The following ITPR1 variants were observed in gnomAD, a reference collection of about 807,000 sequenced individuals.
ITPR1 encodes the protein inositol 1,4,5-trisphosphate receptor type 1.
In ITPR1, 96 loss-of-function variants were observed where a neutral mutation model predicts 318.4. The observed-to-expected ratio is 0.30, with a 90% confidence interval of 0.26 to 0.36. The LOEUF (loss-of-function observed/expected upper bound fraction) is 0.36, where lower values mean the gene tolerates loss of function less well. Ranked by LOEUF, ITPR1 falls within the 10% of genes least tolerant of loss-of-function variation. The pLI is 1.00. For synonymous variants in ITPR1, 1,312 were observed against 1,289.9 expected (o/e 1.02, Z -0.37); for missense variants, 2,440 against 3,460.2 (o/e 0.71, Z 7.40).
chr3:4,650,619 G>GTA (rs1469710779), intron 10 of ITPR1, among the ~76,000 whole-genome samples: 2 of 140,414 alleles, frequency 1.4e-5, no homozygotes, highest in Non-Finnish European at 3.1e-5. Context: ...GTGTGTGTGT[G>GTA]TGTGTGTGTG....
intron 52 of ITPR1, among the ~76,000 whole-genome samples, chr3:4,792,075 G>C (rs2125411309): frequency 6.6e-6 from 1 of 152,238 alleles, no homozygotes; most frequent in Non-Finnish European, 1.5e-5. Flanking sequence ...GTGGCCCCCG[G>C]CCCCTCCCTC....
chr3:4,676,358 A>G (rs2094185436), intron 23 of ITPR1, among the ~76,000 whole-genome samples: 1 of 152,064 alleles, frequency 6.6e-6, no homozygotes, highest in Non-Finnish European at 1.5e-5. Flanking sequence ...AGAAAATTAA[A>G]AAAAATAAAA....
At chr3:4,641,105 A>G (rs2093327246) in intron 6 of ITPR1, among the ~76,000 whole-genome samples, 1 of 152,212 alleles carries the variant, frequency 6.6e-6, no homozygotes, top group Admixed American at 6.5e-5. Context: ...CGCAATTAGC[A>G]ATGGAGTCTT....
intron 16 of ITPR1, among the ~76,000 whole-genome samples, 178 bp downstream of exon 16, chr3:4,663,384 G>A (rs947454754): frequency 6.6e-6 from 1 of 151,778 alleles, no homozygotes; most frequent in East Asian, 1.9e-4. Flanking sequence ...CTGGGTGACA[G>A]AGAGAGAGCC....
chr3:4,809,358 T>A (rs1441298194), intron 55 of ITPR1, among the ~76,000 whole-genome samples: 1 of 152,244 alleles, frequency 6.6e-6, no homozygotes, highest in African/African-American at 2.4e-5. Flanking sequence ...TGACTGTTTT[T>A]AAAAAACATA....
chr3:4,740,750 G>A (rs2043641446), intron 44 of ITPR1, among the ~76,000 whole-genome samples: 1 of 152,172 alleles, frequency 6.6e-6, no homozygotes. Flanking sequence ...CATCAGAGCA[G>A]GCTTCACATT....
rs925397198 is a variant in ITPR1, at chr3:4,766,700, A to G, written c.5715A>G (p.Ser1905=). 3.8e-6 allele frequency: 6 copies of G among 1,599,532 alleles called. No homozygotes were observed. The highest frequency in any genetic ancestry group is 1.7e-5 in the Admixed American group (1 of 57,724). Residue 1905 remains serine (S), a synonymous_variant, in exon 45 of 62, where the codon TCA becomes TCG. Coordinates refer to ENST00000649015, the MANE Select transcript of ITPR1 (RefSeq NM_001378452.1). ...ATGAGGTAGACAGGGATGCCCCATC[A>G]CGGAAAAAAGGTAAATGTTCCTCAG... The part of the protein sequence containing the change: ...KDDEVDRDAP[S]RKKAKEPTTQ...
intron 4 of ITPR1, among the ~76,000 whole-genome samples, chr3:4,562,003 A>C (rs900884024): frequency 2.0e-5 from 3 of 152,126 alleles, no homozygotes; most frequent in Non-Finnish European, 4.4e-5. Context: ...AGGGGTGTCC[A>C]ATCTTTTGGC....
chr3:4,531,254 G>A (rs966997387), intron 4 of ITPR1, among the ~76,000 whole-genome samples: 1 of 152,178 alleles, frequency 6.6e-6, no homozygotes, highest in African/African-American at 2.4e-5. Context: ...TCAAAGGCAT[G>A]TTGCTTCGTG....
intron 44 of ITPR1, among the ~76,000 whole-genome samples, chr3:4,755,368 C>G (rs1234538632): frequency 6.6e-6 from 1 of 150,746 alleles, no homozygotes; most frequent in Non-Finnish European, 1.5e-5. Context: ...AGCTTTCTGT[C>G]TCAGAAGAAA....
At chr3:4,633,360 G>A (rs746150943) in intron 5 of ITPR1, among the ~76,000 whole-genome samples, 4 of 152,134 alleles carry the variant, frequency 2.6e-5, no homozygotes, top group Admixed American at 6.5e-5. Flanking sequence ...ATTCCCACCA[G>A]CCAATACGAT....
At chr3:4,781,771 C>G (rs1410134243) in intron 49 of ITPR1, among the ~76,000 whole-genome samples, 1 of 152,112 alleles carries the variant, frequency 6.6e-6, no homozygotes, top group Non-Finnish European at 1.5e-5. Flanking sequence ...ACACTGGAGT[C>G]CAGGAGTTCA....
At chr3:4,522,106 A>G (rs2082615821) in intron 4 of ITPR1, among the ~76,000 whole-genome samples, 1 of 152,106 alleles carries the variant, frequency 6.6e-6, no homozygotes, top group Non-Finnish European at 1.5e-5. Flanking sequence ...TCATCTGAGG[A>G]AGTTTTTAAA....
intron 5 of ITPR1, among the ~76,000 whole-genome samples, chr3:4,638,168 G>A (rs2093246890): frequency 6.6e-6 from 1 of 152,106 alleles, no homozygotes; most frequent in Non-Finnish European, 1.5e-5. Flanking sequence ...GGACCCACTG[G>A]CACCTGGTAG....
chr3:4,686,445 A>G (rs527786254), intron 30 of ITPR1, among the ~76,000 whole-genome samples: 1 of 152,306 alleles, frequency 6.6e-6, no homozygotes, highest in African/African-American at 2.4e-5. Context: ...TAGAACCAAC[A>G]AGCTGATCTA....
chr3:4,628,058 C>T (rs2092897391), intron 5 of ITPR1, among the ~76,000 whole-genome samples, 180 bp downstream of exon 5: 2 of 152,122 alleles, frequency 1.3e-5, no homozygotes, highest in Admixed American at 6.5e-5. Context: ...TCCTAGTCAT[C>T]TTGAGATGTC....
chr3:4,512,795 G>A (rs2081931592), intron 2 of ITPR1, among the ~76,000 whole-genome samples: 1 of 152,156 alleles, frequency 6.6e-6, no homozygotes, highest in Non-Finnish European at 1.5e-5. Context: ...CCATTTAACA[G>A]AGGAGGAAAT....
chr3:4,502,437 C>G (rs2081089258), intron 2 of ITPR1, among the ~76,000 whole-genome samples: 1 of 151,470 alleles, frequency 6.6e-6, no homozygotes, highest in Non-Finnish European at 1.5e-5. Context: ...TTTTTTGTAC[C>G]CCTCTCTCCT....
At chr3:4,816,877 T>A (rs969177412) in intron 59 of ITPR1, among the ~76,000 whole-genome samples, 18 of 152,322 alleles carry the variant, frequency 1.2e-4, no homozygotes, top group Admixed American at 2.6e-4. Context: ...CCAATGATGA[T>A]TTTTATGTTA....
Sources: gnomAD v4.1 joint callset for allele counts (sites outside exome capture counted in the v4.1 genomes callset) on GRCh38, gnomAD v4.1.1 for gene constraint, MANE v1.5 for transcripts, NCBI Gene and HGNC (gene_info 2026-07-23, HGNC 2026-07-21) for gene names.